The following ANKRD30BL variants were observed in gnomAD, a reference collection of about 807,000 sequenced individuals.
ANKRD30BL encodes the protein ankyrin repeat domain 30B like.
A neutral mutation model predicts 18.4 loss-of-function variants in ANKRD30BL; 20 were observed. The ratio of observed to expected loss-of-function variants is 1.09; its 90% CI spans 0.77 to 1.58. The LOEUF (loss-of-function observed/expected upper bound fraction) is 1.58. ANKRD30BL is among the 40% of genes most tolerant of loss of function. The pLI is 0.00. For missense variants in ANKRD30BL, 224 were observed against 268.6 expected (o/e 0.83, Z 1.16); for synonymous variants, 72 against 100.9 (o/e 0.71, Z 1.72).
chr2:132,211,223 C>T (rs796725717), intron 1 of ANKRD30BL, among the ~76,000 whole-genome samples: 9 of 150,954 alleles, frequency 6.0e-5, no homozygotes, highest in African/African-American at 2.2e-4. Context: ...AAGGAAATAC[C>T]TTCACATAAA....
intron 1 of ANKRD30BL, among the ~76,000 whole-genome samples, chr2:132,176,444 C>T (rs1688368706): frequency 6.6e-6 from 1 of 152,130 alleles, no homozygotes; most frequent in South Asian, 2.1e-4. Flanking sequence ...AGAAGAATCG[C>T]TTGAACCTGG....
intron 1 of ANKRD30BL, among the ~76,000 whole-genome samples, chr2:132,212,352 AT>A (rs1679378309): frequency 6.6e-6 from 1 of 151,932 alleles, no homozygotes; most frequent in Admixed American, 6.6e-5. Flanking sequence ...TGATATGTGC[AT>A]GCATCTCACA....
chr2:132,216,649 T>C (rs137929603), intron 1 of ANKRD30BL, among the ~76,000 whole-genome samples: 3 of 151,880 alleles, frequency 2.0e-5, no homozygotes, highest in Admixed American at 2.0e-4. Context: ...AGGATCTGCA[T>C]GTGGACCTTT....
chr2:132,174,566 A>G (rs558997280), intron 1 of ANKRD30BL, among the ~76,000 whole-genome samples: 1 of 152,298 alleles, frequency 6.6e-6, no homozygotes, highest in South Asian at 2.1e-4. Flanking sequence ...TCTCCTCTAA[A>G]TGAAAGCACA....
At chr2:132,216,476 C>T (rs985045380) in intron 1 of ANKRD30BL, among the ~76,000 whole-genome samples, 2 of 151,878 alleles carry the variant, frequency 1.3e-5, no homozygotes, top group Non-Finnish European at 2.9e-5. Flanking sequence ...GTAGAATCTG[C>T]AAGTGGACAT....
chr2:132,230,761 A>T (rs2104782286), intron 1 of ANKRD30BL, among the ~76,000 whole-genome samples: 1 of 152,310 alleles, frequency 6.6e-6, no homozygotes, highest in East Asian at 1.9e-4. Flanking sequence ...TTTTTTTAGA[A>T]TCTGCACGTG....
At chr2:132,224,310 A>G (rs1445001277) in intron 1 of ANKRD30BL, among the ~76,000 whole-genome samples, 7 of 152,182 alleles carry the variant, frequency 4.6e-5, no homozygotes, top group African/African-American at 1.4e-4. Context: ...ATATCTTTAT[A>G]TAAAAATGAG....
intron 1 of ANKRD30BL, among the ~76,000 whole-genome samples, chr2:132,222,857 A>C (rs1321751872): frequency 1.4e-4 from 20 of 144,372 alleles, no homozygotes; most frequent in Non-Finnish European, 2.8e-4. Flanking sequence ...AAAAAAAAAA[A>C]AAAAAAAGAA....
At chr2:132,162,370 G>C (rs1456409091), upstream of ANKRD30BL, among the ~76,000 whole-genome samples, 6 of 152,200 alleles carry the variant, frequency 3.9e-5, no homozygotes, top group African/African-American at 7.2e-5. Flanking sequence ...CTGCAGCTGA[G>C]CCCATGGTAG....
intron 1 of ANKRD30BL, among the ~76,000 whole-genome samples, chr2:132,171,817 G>A (rs1245387747): frequency 3.3e-5 from 5 of 151,960 alleles, no homozygotes; most frequent in East Asian, 1.9e-4. Flanking sequence ...CTTTACCACC[G>A]TTCATTTCCA....
chr2:132,191,855 C>A (rs1226421043), intron 1 of ANKRD30BL, among the ~76,000 whole-genome samples: 5 of 151,336 alleles, frequency 3.3e-5, no homozygotes, highest in Middle Eastern at 6.9e-3. Flanking sequence ...CATTATCCTG[C>A]CTCAGCCTCC....
chr2:132,202,605 G>A (rs1044222863), intron 1 of ANKRD30BL, among the ~76,000 whole-genome samples: 3 of 151,772 alleles, frequency 2.0e-5, no homozygotes, highest in African/African-American at 7.2e-5. Context: ...AACCAATAAA[G>A]ATATGCAATA....
At chr2:132,254,264 C>T (rs1485680835) in intron 1 of ANKRD30BL, among the ~76,000 whole-genome samples, 7 of 152,174 alleles carry the variant, frequency 4.6e-5, no homozygotes, top group Non-Finnish European at 8.8e-5. Flanking sequence ...GGCACGACTC[C>T]GCCCATGCAT....
In ANKRD30BL at chr2:132,148,079, A is replaced by T; in HGVS notation, c.*52T>A. ...TTGTACTTAATCTTCCCCCTCTTGAATTTTAAAGGATGTTTACAGGCTAAA... is the reference window on the plus strand; with the variant it reads ...TTGTACTTAATCTTCCCCCTCTTGATTTTTAAAGGATGTTTACAGGCTAAA... On this transcript the variant is annotated 3_prime_UTR_variant, in exon 6 of 6. Transcript: ENST00000409867. 7.1e-7 allele frequency: 1 copy of T among 1,401,582 alleles called. No individual in the cohort carries two copies. Among genetic ancestry groups the T allele is most frequent in the South Asian group, 1.2e-5 (1 of 81,262 alleles). 86.8% of individuals were successfully genotyped at this position (1,401,582 alleles called of 1,614,324 possible).
rs1411274337 is a variant in ANKRD30BL, at chr2:132,217,793, C to G, written n.441+39736G>C. Among the ~76,000 whole-genome samples the G allele has an allele frequency of 3.3e-5, 5 of 152,276 alleles. No homozygotes were observed. The South Asian group carries it at 8.3e-4, about 25-fold the overall frequency. ...GGTATATCTTCACATAAACTCTAGACAGAAGCATTCTCAGAAACTTTTTTG... is the reference window on the plus strand; with the variant it reads ...GGTATATCTTCACATAAACTCTAGAGAGAAGCATTCTCAGAAACTTTTTTG... On this transcript the variant is annotated intron_variant and non_coding_transcript_variant, in intron 1 of 4. Transcript: ENST00000470729.
chr2:132,242,993 G>A (rs888894043), intron 1 of ANKRD30BL, among the ~76,000 whole-genome samples: 29 of 151,646 alleles, frequency 1.9e-4, no homozygotes, highest in Non-Finnish European at 1.5e-4. Flanking sequence ...CACTCTTCTT[G>A]TAGTATTTAC....
At chr2:132,216,087 C>A (rs978268820) in intron 1 of ANKRD30BL, among the ~76,000 whole-genome samples, 2 of 151,236 alleles carry the variant, frequency 1.3e-5, no homozygotes, top group Non-Finnish European at 3.0e-5. Context: ...CAGAGTTGAA[C>A]TTTCTTTTGA....
chr2:132,203,902 C>T (rs1321433970), intron 1 of ANKRD30BL, among the ~76,000 whole-genome samples: 1 of 152,028 alleles, frequency 6.6e-6, no homozygotes, highest in African/African-American at 2.4e-5. Flanking sequence ...TTTCAGATGG[C>T]TTGTAATCTT....
chr2:132,235,086 C>A (rs1029437449), intron 1 of ANKRD30BL, among the ~76,000 whole-genome samples: 4 of 152,064 alleles, frequency 2.6e-5, no homozygotes, highest in East Asian at 1.9e-4. Context: ...AGACAAAAAA[C>A]CACATGATTA....
Sources: allele counts gnomAD v4.1 joint callset (sites outside exome capture counted in the v4.1 genomes callset), GRCh38; gene constraint gnomAD v4.1.1; transcripts MANE v1.5; gene names NCBI Gene and HGNC (gene_info 2026-07-23, HGNC 2026-07-21).